Variants in RBFOX2 observed in about 807,000 individuals in gnomAD.
RBFOX2 encodes RNA binding protein fox-1 homolog 2.
RBFOX2 carries 10 observed loss-of-function variants against 49.1 expected under a neutral mutation model. That is an observed-to-expected ratio of 0.20 (90% CI 0.13 to 0.35). RBFOX2 has a LOEUF of 0.35. RBFOX2 is among the 10% of genes least tolerant of loss of function. The probability of loss-of-function intolerance (pLI) is 1.00; values close to 1 mark genes in which losing one functional copy is unlikely to be tolerated. For synonymous variants in RBFOX2, 183 were observed against 187.4 expected, an observed-to-expected ratio of 0.98 and a Z score of 0.19; for missense variants, 323 against 486.9, an observed-to-expected ratio of 0.66 and a Z score of 3.17.
At chr22:35,922,328 C>G (rs1156765389) in intron 1 of RBFOX2, among the ~76,000 whole-genome samples, 2 of 151,656 alleles carry the variant, frequency 1.3e-5, no homozygotes, top group East Asian at 3.9e-4. Flanking sequence ...TGCCTGTAAT[C>G]CCAGCACTTT....
intron 1 of RBFOX2, chr22:35,997,161 C>G (rs1047447743): frequency 6.6e-6 from 1 of 152,222 alleles, no homozygotes; most frequent in Admixed American, 6.5e-5. Context: ...AGACATCCAC[C>G]CTTCAAAATC....
chr22:35,818,257 C>A (rs1953623702), intron 1 of RBFOX2, among the ~76,000 whole-genome samples: 1 of 152,172 alleles, frequency 6.6e-6, no homozygotes, highest in Non-Finnish European at 1.5e-5. Context: ...CAACAACAGA[C>A]AGCAAGAACT....
At chr22:35,836,904 T>C (rs1438124424) in intron 1 of RBFOX2, among the ~76,000 whole-genome samples, 1 of 152,258 alleles carries the variant, frequency 6.6e-6, no homozygotes, top group Non-Finnish European at 1.5e-5. Flanking sequence ...CTTTCCTTCA[T>C]ATTCCATATT....
At chr22:35,998,428 A>G (rs1214527314) in intron 1 of RBFOX2, 4 of 151,892 alleles carry the variant, frequency 2.6e-5, no homozygotes, top group Non-Finnish European at 5.9e-5. Context: ...CCAAGGTGGG[A>G]TGCAATGGTG....
At chr22:35,822,998 A>G (rs1461624578) in intron 1 of RBFOX2, among the ~76,000 whole-genome samples, 2 of 151,856 alleles carry the variant, frequency 1.3e-5, no homozygotes, top group Non-Finnish European at 2.9e-5. Flanking sequence ...TAATTTTTGC[A>G]TTTTTAGTAG....
Position 35,795,809 on chromosome 22 carries a change from T to C in RBFOX2, c.252+13971A>G, listed in dbSNP as rs376336888. Among the ~76,000 whole-genome samples the C allele has an allele frequency of 2.6e-5, 4 of 152,254 alleles. No homozygotes were observed. The East Asian group carries it at 7.7e-4, about 29-fold the overall frequency. On this transcript the variant is annotated intron_variant, in intron 2 of 11. Transcript: ENST00000405409. ...ATATTTCAAAGGATGCTTAGCTCTT[T>C]AGAGTATAAAATTCCAAATTCTTTG...
intron 1 of RBFOX2, among the ~76,000 whole-genome samples, chr22:35,918,151 G>T (rs1331569760): frequency 6.6e-6 from 1 of 152,144 alleles, no homozygotes; most frequent in Non-Finnish European, 1.5e-5. Context: ...CATGCCAAAG[G>T]GCCAGGGTAT....
At chr22:35,938,141 G>A (rs528810260) in intron 1 of RBFOX2, among the ~76,000 whole-genome samples, 2 of 152,256 alleles carry the variant, frequency 1.3e-5, no homozygotes, top group East Asian at 1.9e-4. Context: ...TTTCAGAGGC[G>A]AGGTGATTTA....
At chr22:35,818,417 C>T (rs904631199) in intron 1 of RBFOX2, among the ~76,000 whole-genome samples, 4 of 152,194 alleles carry the variant, frequency 2.6e-5, no homozygotes, top group African/African-American at 9.6e-5. Flanking sequence ...CTTTTCACTA[C>T]AATCTAAATT....
chr22:35,938,097 G>A (rs753214886), intron 1 of RBFOX2, among the ~76,000 whole-genome samples: 1 of 152,112 alleles, frequency 6.6e-6, no homozygotes, highest in African/African-American at 2.4e-5. Flanking sequence ...CCTGAAGAAC[G>A]TCAATATCCC....
intron 2 of RBFOX2, among the ~76,000 whole-genome samples, chr22:35,797,462 G>C (rs1948993591): frequency 6.6e-6 from 1 of 152,116 alleles, no homozygotes; most frequent in African/African-American, 2.4e-5. Flanking sequence ...TGTAGAATAT[G>C]AAAAATATCA....
At chr22:35,809,853 G>C in exon 2 of RBFOX2, 2 of 1,614,092 alleles carry the variant, frequency 1.2e-6, no homozygotes, top group Non-Finnish European at 1.7e-6. Flanking sequence ...TCCGTAGAGT[G>C]TCAGGTTATG....
At chr22:36,028,187 C>A in intron 1 of RBFOX2, 53 bp downstream of exon 1, 1 of 1,414,174 alleles carries the variant, frequency 7.1e-7, no homozygotes, top group Non-Finnish European at 9.2e-7. Flanking sequence ...AGCCCGGTGT[C>A]GACCCTCACG....
rs543793986 is a variant in RBFOX2, at chr22:35,798,273, C to T, written c.252+11507G>A. Among the ~76,000 whole-genome samples, 3 of 152,348 alleles carry T rather than the reference C, an allele frequency of 2.0e-5. No homozygotes were observed. The East Asian group carries it at 5.8e-4, about 29-fold the overall frequency. On this transcript the variant is annotated intron_variant, in intron 2 of 11. Transcript: ENST00000405409. Reference sequence around the variant, plus strand: ...TACAGGCATGAGCCACTGCACCAGGCCTGTACTGTTTTTCTACTGGAACTT... The same window carrying T: ...TACAGGCATGAGCCACTGCACCAGGTCTGTACTGTTTTTCTACTGGAACTT...
intron 1 of RBFOX2, among the ~76,000 whole-genome samples, chr22:35,896,079 C>A (rs1280022382): frequency 6.6e-6 from 1 of 152,172 alleles, no homozygotes; most frequent in Non-Finnish European, 1.5e-5. Context: ...ACCCCTTTCT[C>A]CATGTTCAAA....
chr22:35,999,381 CAAAAAAAAA>C (rs35407131), intron 1 of RBFOX2: 3 of 57,312 alleles, frequency 5.2e-5, no homozygotes, highest in African/African-American at 8.3e-5. Flanking sequence ...CCTGTCTCTA[CAAAAAAAAA>C]AAAAAAAAAA....
At chr22:36,014,247 C>T (rs544418782) in intron 1 of RBFOX2, among the ~76,000 whole-genome samples, 95 of 151,886 alleles carry the variant, frequency 6.3e-4, no homozygotes, top group Middle Eastern at 6.8e-3. Context: ...TCAGCCTCTC[C>T]GAGTAGCTGG....
At chr22:35,984,834 T>C (rs968723668) in intron 1 of RBFOX2, among the ~76,000 whole-genome samples, 6 of 152,128 alleles carry the variant, frequency 3.9e-5, no homozygotes, top group African/African-American at 1.4e-4. Flanking sequence ...GCATAGAAAA[T>C]TCCTATTCAT....
At chr22:35,769,166 A>G (rs1941940011) in intron 4 of RBFOX2, among the ~76,000 whole-genome samples, 1 of 152,204 alleles carries the variant, frequency 6.6e-6, no homozygotes, top group Non-Finnish European at 1.5e-5. Flanking sequence ...CTGCTATTAA[A>G]GGTAGTAGTA....
Sources: allele counts gnomAD v4.1 joint callset (sites outside exome capture counted in the v4.1 genomes callset), GRCh38; gene constraint gnomAD v4.1.1; transcripts MANE v1.5; gene names NCBI Gene and HGNC (gene_info 2026-07-23, HGNC 2026-07-21).